Variants in TMEM232 observed in about 807,000 individuals in gnomAD.
The protein encoded by TMEM232 is transmembrane protein 232.
Under a neutral mutation model 78.8 loss-of-function variants are expected in TMEM232, and 80 were observed. The ratio of observed to expected loss-of-function variants is 1.01; its 90% CI spans 0.85 to 1.22. TMEM232 has a LOEUF of 1.22. Among genes scored for constraint, TMEM232 ranks in the 50% most tolerant of loss-of-function variants. TMEM232 has a pLI of 0.00. For missense variants in TMEM232, 881 were observed against 742.2 expected (o/e 1.19, Z -2.17); for synonymous variants, 297 against 254.3 (o/e 1.17, Z -1.60).
At chr5:110,425,970 T>C (rs765528656) in intron 12 of TMEM232, among the ~76,000 whole-genome samples, 2 of 152,130 alleles carry the variant, frequency 1.3e-5, no homozygotes, top group Non-Finnish European at 2.9e-5. Context: ...AAAGTGGTTT[T>C]GCCTGGTTTC....
At chr5:110,435,634 ATCCTTCTAT>A (rs1428956063) in intron 12 of TMEM232, among the ~76,000 whole-genome samples, 3 of 151,636 alleles carry the variant, frequency 2.0e-5, no homozygotes, top group Admixed American at 2.0e-4. Flanking sequence ...TCTGGTAAAC[ATCCTTCTAT>A]TCTTTATCTC....
intron 1 of TMEM232, among the ~76,000 whole-genome samples, chr5:110,735,657 A>G (rs896360658): frequency 6.6e-6 from 1 of 152,126 alleles, no homozygotes; most frequent in African/African-American, 2.4e-5. Flanking sequence ...CTCTCTTCCA[A>G]AAAAATAGAA....
At chr5:110,598,187 A>G (rs1780421531) in intron 10 of TMEM232, among the ~76,000 whole-genome samples, 1 of 152,216 alleles carries the variant, frequency 6.6e-6, no homozygotes, top group Non-Finnish European at 1.5e-5. Context: ...ACCCCATCAA[A>G]AAGTGGGCAA....
chr5:110,507,008 G>A (rs533623503), intron 12 of TMEM232, among the ~76,000 whole-genome samples: 58 of 152,160 alleles, frequency 3.8e-4, no homozygotes, highest in Non-Finnish European at 6.8e-4. Flanking sequence ...TGAAATACAA[G>A]GCTAAAGTTA....
chr5:110,592,170 T>C (rs1318861625), intron 10 of TMEM232, among the ~76,000 whole-genome samples: 2 of 152,160 alleles, frequency 1.3e-5, no homozygotes, highest in Non-Finnish European at 2.9e-5. Context: ...TTCTTGGTAG[T>C]GACTTATATA....
At chr5:110,698,986 AGAGG>A (rs1795130999) in intron 1 of TMEM232, among the ~76,000 whole-genome samples, 2 of 152,110 alleles carry the variant, frequency 1.3e-5, no homozygotes, top group African/African-American at 4.8e-5. Context: ...AGGATCTCTT[AGAGG>A]TGTTGGAAGG....
At chr5:110,731,503 G>A (rs191661297), upstream of TMEM232, among the ~76,000 whole-genome samples, 80 of 152,306 alleles carry the variant, frequency 5.3e-4, no homozygotes, top group African/African-American at 1.7e-3. Flanking sequence ...ATACATCTTC[G>A]GAAATCTAGG....
At chr5:110,638,603 C>A (rs1156695537) in intron 4 of TMEM232, among the ~76,000 whole-genome samples, 2 of 152,098 alleles carry the variant, frequency 1.3e-5, no homozygotes, top group African/African-American at 4.8e-5. Flanking sequence ...TATGTGACTT[C>A]TAAGACTGAA....
intron 10 of TMEM232, among the ~76,000 whole-genome samples, chr5:110,593,626 G>A (rs1288058055): frequency 6.6e-6 from 1 of 152,006 alleles, no homozygotes; most frequent in Non-Finnish European, 1.5e-5. Flanking sequence ...TAAAACAATT[G>A]AACTCATGGA....
intron 2 of TMEM232, among the ~76,000 whole-genome samples, chr5:110,657,381 C>CTG (rs1234859136): frequency 2.6e-5 from 2 of 75,496 alleles, no homozygotes; most frequent in Non-Finnish European, 6.2e-5. Context: ...GGATATCTAT[C>CTG]TGAGTGTGTG....
chr5:110,585,465 T>C (rs190899990), intron 10 of TMEM232, among the ~76,000 whole-genome samples: 2 of 152,224 alleles, frequency 1.3e-5, no homozygotes, highest in East Asian at 3.9e-4. Flanking sequence ...GTTGAAGCAG[T>C]GTTGACAGGG....
chr5:110,511,326 G>A (rs1767708517), intron 12 of TMEM232, among the ~76,000 whole-genome samples: 1 of 152,026 alleles, frequency 6.6e-6, no homozygotes, highest in South Asian at 2.1e-4. Context: ...ATAGCATTAG[G>A]AGAAATACCT....
chr5:110,669,146 G>A (rs559286727), intron 1 of TMEM232, among the ~76,000 whole-genome samples: 98 of 151,996 alleles, frequency 6.4e-4, no homozygotes, highest in Non-Finnish European at 1.2e-3. Flanking sequence ...AACTGAAGGA[G>A]ATAGAGACAC....
chr5:110,575,723 C>A (rs1454454006), intron 10 of TMEM232, among the ~76,000 whole-genome samples: 2 of 152,112 alleles, frequency 1.3e-5, no homozygotes, highest in South Asian at 4.1e-4. Flanking sequence ...GCAAACCTCC[C>A]CCACTCAGAG....
At chr5:110,693,085 G>T (rs776322539) in intron 1 of TMEM232, among the ~76,000 whole-genome samples, 1 of 152,108 alleles carries the variant, frequency 6.6e-6, no homozygotes, top group South Asian at 2.1e-4. Context: ...TCACATGGCC[G>T]GGTACTCCTC....
intron 12 of TMEM232, among the ~76,000 whole-genome samples, chr5:110,443,624 T>G (rs910648749): frequency 6.6e-6 from 1 of 152,140 alleles, no homozygotes; most frequent in Non-Finnish European, 1.5e-5. Flanking sequence ...AAAGTCCTCA[T>G]CACCTTTCCC....
At chr5:110,717,124 C>G (rs927735186) in intron 1 of TMEM232, among the ~76,000 whole-genome samples, 1 of 151,992 alleles carries the variant, frequency 6.6e-6, no homozygotes, top group Non-Finnish European at 1.5e-5. Context: ...AGACAACTGC[C>G]CTTTATATCC....
At chr5:110,504,581 A>G (rs1042145054) in intron 12 of TMEM232, among the ~76,000 whole-genome samples, 5 of 152,236 alleles carry the variant, frequency 3.3e-5, no homozygotes, top group African/African-American at 7.2e-5. Flanking sequence ...TTGCCAATGT[A>G]TAGTTCCAGT....
chr5:110,629,022 A>G (rs985938995), intron 5 of TMEM232: 1 of 152,116 alleles, frequency 6.6e-6, no homozygotes, highest in Non-Finnish European at 1.5e-5. Context: ...CTTATGAAGT[A>G]TGTAAAAATA....
Sources: allele counts gnomAD v4.1 joint callset (sites outside exome capture counted in the v4.1 genomes callset), GRCh38; gene constraint gnomAD v4.1.1; transcripts MANE v1.5; gene names NCBI Gene and HGNC (gene_info 2026-07-23, HGNC 2026-07-21).